The following EPHA5 variants were observed in gnomAD, a reference collection of about 807,000 sequenced individuals.
EPHA5 encodes the protein ephrin type-A receptor 5.
A neutral mutation model predicts 105.0 loss-of-function variants in EPHA5; 60 were observed. The observed-to-expected ratio is 0.57, with a 90% CI of 0.46 to 0.71. The LOEUF is 0.71. EPHA5 is among the 30% of genes least tolerant of loss of function. The pLI is 0.00. For synonymous variants in EPHA5, 513 were observed against 449.1 expected, an observed-to-expected ratio of 1.14 and a Z score of -1.80; for missense variants, 1,218 against 1,274.7, an observed-to-expected ratio of 0.96 and a Z score of 0.68.
Position 65,490,545 on chromosome 4 carries a change from C to T in EPHA5, c.1234G>A (p.Val412Ile), listed in dbSNP as rs1338727571. 6.2e-7 allele frequency: 1 copy of T among 1,614,118 alleles called. No homozygotes were observed. The highest frequency in any genetic ancestry group is 8.5e-7 in the Non-Finnish European group (1 of 1,180,014). Reference protein sequence around the residue: ...AGVCEECGGHVRYLPRQSGLK... With the variant: ...AGVCEECGGHIRYLPRQSGLK... ...CCGCTTTGCCGGGGAAGGTACCTGACATGACCGCCACACTCCTCACACACA... is the reference window on the plus strand; with the variant it reads ...CCGCTTTGCCGGGGAAGGTACCTGATATGACCGCCACACTCCTCACACACA... The change falls in exon 5 of 17, where the codon GTC becomes ATC. Residue 412 changes from valine (V) to isoleucine (I), a missense_variant. Physicochemically the swap from Val to Ile is conservative, Grantham distance 29 (BLOSUM62 3). Around this residue, in one of 3 missense-constraint regions of EPHA5, gnomAD observed 971 missense variants for 1,013.5 expected, o/e 0.96. Coordinates refer to ENST00000613740, the MANE Select transcript of EPHA5 (RefSeq NM_001281766.3).
intron 8 of EPHA5, among the ~76,000 whole-genome samples, chr4:65,371,878 T>C (rs1193951510): frequency 6.6e-6 from 1 of 152,008 alleles, no homozygotes; most frequent in Non-Finnish European, 1.5e-5. Context: ...CTTAATTTAC[T>C]CAAAAGAGTG....
At chr4:65,637,825 C>A (rs1008969949) in intron 2 of EPHA5, among the ~76,000 whole-genome samples, 4 of 151,822 alleles carry the variant, frequency 2.6e-5, no homozygotes, top group African/African-American at 9.7e-5. Flanking sequence ...TATTGAAGTT[C>A]TATTACAAGC....
At chr4:65,583,173 G>A (rs1270064339) in intron 3 of EPHA5, among the ~76,000 whole-genome samples, 1 of 151,454 alleles carries the variant, frequency 6.6e-6, no homozygotes, top group South Asian at 2.1e-4. Context: ...CCTGCTCTCG[G>A]AGAGTTTATA....
intron 11 of EPHA5, among the ~76,000 whole-genome samples, chr4:65,362,025 C>T (rs956128380): frequency 6.6e-6 from 1 of 151,570 alleles, no homozygotes; most frequent in African/African-American, 2.4e-5. Flanking sequence ...ACTAAAGTGT[C>T]TTGCATTTCA....
rs147371814 is a variant in EPHA5 at position 65,627,648 on chromosome 4, C to T, written c.246+15715G>A. Among the ~76,000 whole-genome samples the T allele has an allele frequency of 2.2e-3, 336 of 152,182 alleles. 2 individuals carry two copies. The highest frequency in any genetic ancestry group is 4.3e-3 in the Non-Finnish European group (292 of 67,964). On this transcript the variant is annotated intron_variant, in intron 2 of 16. Coordinates refer to ENST00000613740, the MANE Select transcript of EPHA5 (RefSeq NM_001281766.3). Reference sequence around the variant, plus strand: ...GAAAGATATCTCATGATAGCATTGCCATTTCTATGTCTAACCATATTATGC... The same window carrying T: ...GAAAGATATCTCATGATAGCATTGCTATTTCTATGTCTAACCATATTATGC...
At chr4:65,434,474 A>G (rs1314286352) in intron 5 of EPHA5, among the ~76,000 whole-genome samples, 2 of 152,162 alleles carry the variant, frequency 1.3e-5, no homozygotes, top group Non-Finnish European at 2.9e-5. Context: ...AAATGCATCT[A>G]TAAAATTATA....
chr4:65,451,389 C>T (rs998405995), intron 5 of EPHA5, among the ~76,000 whole-genome samples: 6 of 151,964 alleles, frequency 3.9e-5, no homozygotes, highest in Admixed American at 3.3e-4. Flanking sequence ...TTTACAATCC[C>T]AATTATATAC....
chr4:65,366,945 A>G (rs2148895093), intron 9 of EPHA5, among the ~76,000 whole-genome samples: 1 of 151,556 alleles, frequency 6.6e-6, no homozygotes, highest in Admixed American at 6.6e-5. Context: ...CTGTTCAGGT[A>G]AATTCCCACT....
intron 3 of EPHA5, among the ~76,000 whole-genome samples, chr4:65,529,996 CA>C (rs1242045830): frequency 6.6e-6 from 1 of 152,122 alleles, no homozygotes; most frequent in Admixed American, 6.5e-5. Flanking sequence ...TATCTATCAA[CA>C]ATTTTAAAAA....
rs893118103 is a variant in EPHA5, at chr4:65,465,220, A to G, written c.1402+25157T>C. On this transcript the variant is annotated intron_variant, in intron 5 of 16. Coordinates refer to ENST00000613740, the MANE Select transcript of EPHA5 (RefSeq NM_001281766.3). ...TGGGAGGCAGAAGCAGGCGGTTCACAGGGTCAGGAGTTCAAGACCAGCCTG... is the reference window on the plus strand; with the variant it reads ...TGGGAGGCAGAAGCAGGCGGTTCACGGGGTCAGGAGTTCAAGACCAGCCTG... Among the ~76,000 whole-genome samples the G allele has an allele frequency of 5.3e-5, 8 of 151,980 alleles. No individual in the cohort carries two copies. The South Asian group carries it at 1.2e-3, about 24-fold the overall frequency.
intron 3 of EPHA5, among the ~76,000 whole-genome samples, chr4:65,515,845 A>G (rs1349239464): frequency 2.0e-5 from 3 of 152,128 alleles, no homozygotes; most frequent in Non-Finnish European, 4.4e-5. Context: ...CAATGTGGCT[A>G]GACGTCATCC....
chr4:65,414,125 A>G lies in EPHA5; in HGVS notation c.1687+159T>C, dbSNP rs541495844. On this transcript the variant is annotated intron_variant, in intron 7 of 16. Transcript: ENST00000613740. ...CAACGTGTTAACCTGCCGACCTACC[A>G]TAATAGCATGACAGATGCTTCCTAC... Among the ~76,000 whole-genome samples, 18 of 152,296 alleles carry G rather than the reference A, an allele frequency of 1.2e-4. 1 individual carries two copies. The South Asian group carries it at 3.7e-3, about 32-fold the overall frequency.
At chr4:65,595,802 G>A (rs923664572) in intron 3 of EPHA5, among the ~76,000 whole-genome samples, 7 of 152,012 alleles carry the variant, frequency 4.6e-5, no homozygotes, top group Non-Finnish European at 8.8e-5. Flanking sequence ...GGATGGTCTC[G>A]ATCTCCTGAC....
intron 5 of EPHA5, among the ~76,000 whole-genome samples, chr4:65,433,034 A>G (rs1454278834): frequency 6.6e-6 from 1 of 152,072 alleles, no homozygotes; most frequent in Non-Finnish European, 1.5e-5. Context: ...TCAAAGAGAG[A>G]TGTAGCATGG....
intron 3 of EPHA5, among the ~76,000 whole-genome samples, chr4:65,514,846 G>T (rs1458203046): frequency 6.6e-6 from 1 of 152,008 alleles, no homozygotes; most frequent in Non-Finnish European, 1.5e-5. Context: ...GGTAATTAAA[G>T]TGTGCATGAA....
intron 1 of EPHA5, among the ~76,000 whole-genome samples, chr4:65,662,296 A>G (rs766989433): frequency 9.2e-5 from 14 of 152,174 alleles, no homozygotes; most frequent in Non-Finnish European, 2.1e-4. Flanking sequence ...GTTCTTGCAA[A>G]GCATATGTAA....
intron 11 of EPHA5, among the ~76,000 whole-genome samples, chr4:65,364,020 A>G (rs1264552405): frequency 6.6e-6 from 1 of 151,452 alleles, no homozygotes; most frequent in Non-Finnish European, 1.5e-5. Context: ...TTAGCAATTT[A>G]CACTTTTCTA....
intron 16 of EPHA5, among the ~76,000 whole-genome samples, chr4:65,328,298 T>G (rs2148788795): frequency 6.6e-6 from 1 of 151,432 alleles, no homozygotes; most frequent in South Asian, 2.1e-4. Context: ...TTGTTGGGTT[T>G]ACATTTCAGT....
At chr4:65,389,174 A>T (rs1291768561) in intron 8 of EPHA5, among the ~76,000 whole-genome samples, 1 of 152,060 alleles carries the variant, frequency 6.6e-6, no homozygotes, top group East Asian at 1.9e-4. Context: ...TAGGAAAATC[A>T]GAATACTTGT....
Sources: gnomAD v4.1 joint callset for allele counts (sites outside exome capture counted in the v4.1 genomes callset) on GRCh38, gnomAD v4.1.1 for gene constraint, gnomAD v4.1.1 regional missense constraint, MANE v1.5 for transcripts, NCBI Gene and HGNC (gene_info 2026-07-23, HGNC 2026-07-21) for gene names.